Variants in LRRIQ1 observed in about 807,000 individuals in gnomAD.
LRRIQ1 encodes the protein leucine rich repeats and IQ motif containing 1.
LRRIQ1 carries 210 observed loss-of-function variants against 211.9 expected under a neutral mutation model. That is an observed-to-expected ratio of 0.99 (90% CI 0.89 to 1.11). The LOEUF is 1.11. Ranked by LOEUF, LRRIQ1 falls within the 50% of genes most tolerant of loss-of-function variation. LRRIQ1 has a pLI of 0.00. For missense variants in LRRIQ1, 2,136 were observed against 1,939.5 expected (o/e 1.10, Z -1.90); for synonymous variants, 699 against 650.1 (o/e 1.08, Z -1.14).
At chr12:85,164,040 ATTTG>A (rs1428185703) in intron 24 of LRRIQ1, among the ~76,000 whole-genome samples, 2 of 151,980 alleles carry the variant, frequency 1.3e-5, no homozygotes, top group African/African-American at 4.8e-5. Context: ...TATTTTATTT[ATTTG>A]TTTATTTATA....
intron 24 of LRRIQ1, among the ~76,000 whole-genome samples, chr12:85,198,309 C>T (rs1893104389): frequency 6.7e-6 from 1 of 149,710 alleles, no homozygotes; most frequent in Admixed American, 6.8e-5. Flanking sequence ...ATTTATATTT[C>T]CTTGGGTGTA....
chr12:85,072,956 C>A lies in LRRIQ1; in HGVS notation c.2745C>A (p.Cys915Ter), dbSNP rs778883547. The A allele has an allele frequency of 1.8e-5, 29 of 1,612,394 alleles. No individual in the cohort carries two copies. The Admixed American group carries it at 4.9e-4, about 27-fold the overall frequency. ...EEKLVDNAGFCHHLGTSTSYL... is the reference protein window; with the variant it reads ...EEKLVDNAGF ...AACTTGTTGACAATGCAGGGTTCTG[C>A]CATCACTTGGGCACCTCCACTTCTT... Residue 915 changes from cysteine (C) to a stop codon, truncating the protein, a stop_gained, in exon 11 of 27, where the codon TGC (cysteine) becomes TGA (stop). Transcript: ENST00000393217. LOFTEE classifies it high-confidence loss of function.
intron 24 of LRRIQ1, among the ~76,000 whole-genome samples, chr12:85,224,365 C>T (rs989301153): frequency 1.3e-5 from 2 of 152,084 alleles, no homozygotes; most frequent in Non-Finnish European, 2.9e-5. Context: ...TACCATTTGA[C>T]CCAGCAATCC....
At chr12:85,049,308 C>T (rs1311779702) in intron 6 of LRRIQ1, among the ~76,000 whole-genome samples, 2 of 152,146 alleles carry the variant, frequency 1.3e-5, no homozygotes, top group Admixed American at 1.3e-4. Context: ...AACCACATAA[C>T]ATTTTTTTGC....
intron 1 of LRRIQ1, among the ~76,000 whole-genome samples, chr12:85,260,651 T>C (rs1896259619): frequency 6.6e-6 from 1 of 152,120 alleles, no homozygotes. Context: ...TTCTCCCTAT[T>C]TAATGTATTC....
chr12:85,127,927 G>A lies in LRRIQ1; in HGVS notation c.4103G>A (p.Gly1368Asp), dbSNP rs1888489026. The A allele has an allele frequency of 6.2e-7, 1 of 1,613,942 alleles. No homozygotes were observed. Residue 1368 changes from glycine (G) to aspartate (D), a missense_variant, in exon 18 of 27, where the codon GGC (glycine) becomes GAC (aspartate). Gly to Asp is a moderately conservative substitution (Grantham distance 94). Transcript: ENST00000393217. ...STRLHTAATE[G>D]LPNSSIKNQT... ...AGGCTACATACTGCTGCAACAGAAG[G>A]CCTGCCAAATTCTTCCATCAAGAAT...
chr12:85,076,835 A>G (rs1294352575), intron 11 of LRRIQ1, among the ~76,000 whole-genome samples: 1 of 151,646 alleles, frequency 6.6e-6, no homozygotes. Context: ...TTAGTTTTGA[A>G]GGGCAACACA....
intron 15 of LRRIQ1, among the ~76,000 whole-genome samples, chr12:85,117,794 A>G (rs1887689001): frequency 6.6e-6 from 1 of 152,214 alleles, no homozygotes; most frequent in African/African-American, 2.4e-5. Context: ...TTATTGTCAC[A>G]TCTTAAAAAC....
Position 85,124,184 on chromosome 12 carries a change from G to A in LRRIQ1, c.3672G>A (p.Lys1224=), listed in dbSNP as rs754995521. 9.9e-6 allele frequency: 16 copies of A among 1,613,948 alleles called. No homozygotes were observed. In the Middle Eastern group the frequency reaches 6.6e-4, roughly 66 times the overall value. ...AHERGDVTIT[K]KDESEAQKNH... is the part of the protein sequence containing the mutation. ...AACGAGGGGATGTAACTATCACCAA[G>A]AAAGATGAATCAGAAGCCCAGAAAA... Residue 1224 remains lysine (K), a synonymous_variant, in exon 17 of 27, where the codon AAG becomes AAA. Transcript: ENST00000393217.
chr12:85,257,954 A>G (rs1896169268), intron 1 of LRRIQ1, among the ~76,000 whole-genome samples: 1 of 151,872 alleles, frequency 6.6e-6, no homozygotes, highest in Non-Finnish European at 1.5e-5. Flanking sequence ...AAACCTGGGA[A>G]AACAGTGCAT....
At chr12:85,087,335 G>A (rs544099794) in intron 11 of LRRIQ1, among the ~76,000 whole-genome samples, 394 of 152,164 alleles carry the variant, frequency 2.6e-3, no homozygotes, top group African/African-American at 9.0e-3. Flanking sequence ...TCTTAATCCA[G>A]TCTATCATTG....
Position 85,153,142 on chromosome 12 carries a change from G to A in LRRIQ1, c.4538G>A (p.Ser1513Asn), listed in dbSNP as rs768126622. ...TCTTCAGAACACACACAATTTAATAGCAGGTAAGCTAAACTATTGTTTTAG... is the reference window on the plus strand; with the variant it reads ...TCTTCAGAACACACACAATTTAATAACAGGTAAGCTAAACTATTGTTTTAG... ...LSSSEHTQFNSRSENKTSSWT... is the reference protein window; with the variant it reads ...LSSSEHTQFNNRSENKTSSWT... Residue 1513 changes from serine to asparagine, a missense_variant, in exon 21 of 27, where the codon AGC becomes AAC. Physicochemically the swap from Ser to Asn is conservative, Grantham distance 46. Coordinates refer to ENST00000393217, the MANE Select transcript of LRRIQ1 (RefSeq NM_001079910.2). The A allele has an allele frequency of 1.3e-6, 2 of 1,583,084 alleles. No individual in the cohort carries two copies. Among genetic ancestry groups the A allele is most frequent in the South Asian group, 1.2e-5 (1 of 84,590 alleles).
At position 85,073,022 on chromosome 12, in the gene LRRIQ1, T is replaced by C; in HGVS notation, c.2811T>C (p.Cys937=). ...LAQVWIPTGL[C]WSWIPITSLT... ...AAGTCTGGATTCCAACTGGATTATGTTGGTCCTGGATACCTATTACCTCAC... is the reference window on the plus strand; with the variant it reads ...AAGTCTGGATTCCAACTGGATTATGCTGGTCCTGGATACCTATTACCTCAC... The change falls in exon 11 of 27, where the codon TGT becomes TGC. Residue 937 remains cysteine, a synonymous_variant. Coordinates refer to ENST00000393217, the MANE Select transcript of LRRIQ1 (RefSeq NM_001079910.2). 2 of 1,612,748 alleles carry C rather than the reference T, an allele frequency of 1.2e-6. No individual in the cohort carries two copies. The highest frequency in any genetic ancestry group is 1.7e-6 in the Non-Finnish European group (2 of 1,179,198).
chr12:85,173,967 T>C (rs1024867186), intron 24 of LRRIQ1, among the ~76,000 whole-genome samples: 1 of 152,134 alleles, frequency 6.6e-6, no homozygotes, highest in Non-Finnish European at 1.5e-5. Context: ...ATAGGACTCA[T>C]GTAAGTCACC....
At chr12:85,127,317 G>T (rs890129409) in intron 17 of LRRIQ1, among the ~76,000 whole-genome samples, 1 of 152,232 alleles carries the variant, frequency 6.6e-6, no homozygotes, top group Non-Finnish European at 1.5e-5. Flanking sequence ...TACTGAGTCT[G>T]TAAGAGTGTA....
Position 85,056,150 on chromosome 12 carries a change from A to G in LRRIQ1, c.1357A>G (p.Arg453Gly). ...ATCAAATATGAAAGAAAATGTAGAT[A>G]GACAGACTATATTAAAAGAATCAAT... ...EESNMKENVD[R>G]QTILKESIQV... The change falls in exon 8 of 27, where the codon AGA becomes GGA. Residue 453 changes from arginine (R) to glycine (G), a missense_variant. Transcript: ENST00000393217. The G allele has an allele frequency of 3.1e-6, 5 of 1,598,512 alleles. No homozygotes were observed. Among genetic ancestry groups the G allele is most frequent in the Non-Finnish European group, 4.3e-6 (5 of 1,175,440 alleles).
At chr12:85,191,545 A>G (rs1196974384) in intron 24 of LRRIQ1, among the ~76,000 whole-genome samples, 3 of 152,040 alleles carry the variant, frequency 2.0e-5, no homozygotes, top group African/African-American at 7.2e-5. Context: ...TGGAAGTACC[A>G]CAGTTTATGT....
chr12:85,123,671 T>TGA (rs1338248750), intron 16 of LRRIQ1, among the ~76,000 whole-genome samples: 2 of 152,174 alleles, frequency 1.3e-5, no homozygotes, highest in Non-Finnish European at 2.9e-5. Context: ...CCAATACAAA[T>TGA]ATTTTGCGTG....
intron 18 of LRRIQ1, among the ~76,000 whole-genome samples, chr12:85,134,440 A>G (rs2136522693): frequency 6.6e-6 from 1 of 152,192 alleles, no homozygotes; most frequent in East Asian, 1.9e-4. Flanking sequence ...TAAAATGGGA[A>G]GTCCATGCTT....
Sources: gnomAD v4.1 joint callset for allele counts (sites outside exome capture counted in the v4.1 genomes callset) on GRCh38, gnomAD v4.1.1 for gene constraint, MANE v1.5 for transcripts, NCBI Gene and HGNC (gene_info 2026-07-23, HGNC 2026-07-21) for gene names.